OTOGL: variants seen among roughly 807,000 people sequenced by gnomAD.
OTOGL encodes otogelin-like protein.
Under a neutral mutation model 318.5 loss-of-function variants are expected in OTOGL, and 285 were observed. The ratio of observed to expected loss-of-function variants is 0.89; its 90% CI spans 0.81 to 0.99. The LOEUF (loss-of-function observed/expected upper bound fraction) is 0.99, where lower values mean the gene tolerates loss of function less well. Ranked by LOEUF, OTOGL falls within the 50% of genes least tolerant of loss-of-function variation. OTOGL has a pLI of 0.00. For synonymous variants in OTOGL, 987 were observed against 936.5 expected (o/e 1.05, Z -0.99); for missense variants, 2,899 against 2,845.6 (o/e 1.02, Z -0.43).
intron 34 of OTOGL, among the ~76,000 whole-genome samples, chr12:80,323,145 CACATAT>C (rs1435074194): frequency 4.9e-4 from 15 of 30,410 alleles, no homozygotes; most frequent in Non-Finnish European, 1.4e-3. Flanking sequence ...CACACACACA[CACATAT>C]ATAAAATATT....
rs865832786 is a variant in OTOGL at position 80,249,729 on chromosome 12, G to C, written c.1053-1964G>C. Among the ~76,000 whole-genome samples the C allele has an allele frequency of 6.4e-3, 971 of 152,260 alleles. 11 individuals carry two copies. Among genetic ancestry groups the C allele is most frequent in the African/African-American group, 0.021 (888 of 41,538 alleles). ...TTCCCGGCTGCTTTGTTTACCTAAG[G>C]AAGCCTGGGCGATGGCGGGCGCCCC... On this transcript the variant is annotated intron_variant, in intron 11 of 58. Transcript: ENST00000547103.
At chr12:80,153,752 T>C (rs1358337486) in intron 1 of OTOGL, among the ~76,000 whole-genome samples, 1 of 152,214 alleles carries the variant, frequency 6.6e-6, no homozygotes, top group Non-Finnish European at 1.5e-5. Context: ...ACAGATATTT[T>C]TTATTGTCTC....
At chr12:80,160,155 C>T (rs1003333654) in intron 1 of OTOGL, among the ~76,000 whole-genome samples, 8 of 152,040 alleles carry the variant, frequency 5.3e-5, no homozygotes, top group South Asian at 4.1e-4. Flanking sequence ...TAGAAGATAA[C>T]GTAGGAAAAA....
At chr12:80,306,766 CTA>C (rs1886133039) in intron 29 of OTOGL, among the ~76,000 whole-genome samples, 2 of 67,236 alleles carry the variant, frequency 3.0e-5, no homozygotes, top group East Asian at 4.2e-4. Flanking sequence ...TAAGAAGTAA[CTA>C]TTTCTTTTTT....
Position 80,344,999 on chromosome 12 carries a change from T to A in OTOGL, c.5265+2837T>A, listed in dbSNP as rs1232569121. ...ATTGGCTATATATTATATATTATAT[T>A]TTATATATTATTATATATTATATTT... On this transcript the variant is annotated intron_variant, in intron 44 of 58. Coordinates refer to ENST00000547103, the MANE Select transcript of OTOGL (RefSeq NM_001378609.3). Among the ~76,000 whole-genome samples, 5 of 141,796 alleles carry A rather than the reference T, an allele frequency of 3.5e-5. No homozygotes were observed. The East Asian group carries it at 9.9e-4, about 28-fold the overall frequency. 93.0% of individuals were successfully genotyped at this position (141,796 alleles called of 152,430 possible). A position where few individuals can be genotyped will look rare whatever the true frequency, so the allele number is the denominator to read the frequency against.
At chr12:80,185,888 C>T (rs1875253709) in intron 1 of OTOGL, among the ~76,000 whole-genome samples, 1 of 152,010 alleles carries the variant, frequency 6.6e-6, no homozygotes, top group Non-Finnish European at 1.5e-5. Flanking sequence ...TTTGAGGTGG[C>T]ACTACATAAG....
Position 80,261,954 on chromosome 12 carries a change from G to T in OTOGL, c.1890-15G>T, listed in dbSNP as rs752472690. 59 of 1,608,556 alleles carry T rather than the reference G, an allele frequency of 3.7e-5. No homozygotes were observed. Among genetic ancestry groups the T allele is most frequent in the Non-Finnish European group, 4.9e-5 (58 of 1,176,988 alleles). The stretch of plus-strand genomic sequence containing the variant: ...TGAGAGATACATGAAGATGAGCATT[G>T]TCTTTGCTTTCTAGTTCTCCATCAG... On this transcript the variant is annotated splice_polypyrimidine_tract_variant and intron_variant, in intron 18 of 58. Transcript: ENST00000547103.
intron 19 of OTOGL, among the ~76,000 whole-genome samples, chr12:80,262,933 T>C (rs1443151233): frequency 6.6e-6 from 1 of 152,160 alleles, no homozygotes; most frequent in African/African-American, 2.4e-5. Context: ...CTCATATTGG[T>C]TGAGCTTTCA....
chr12:80,136,834 T>C (rs1029667182), intron 1 of OTOGL, among the ~76,000 whole-genome samples: 1 of 152,196 alleles, frequency 6.6e-6, no homozygotes, highest in Non-Finnish European at 1.5e-5. Flanking sequence ...ATATATTATG[T>C]ACTTTGTTTA....
chr12:80,186,923 A>C (rs990072353), intron 1 of OTOGL, among the ~76,000 whole-genome samples: 4 of 152,186 alleles, frequency 2.6e-5, no homozygotes, highest in African/African-American at 9.6e-5. Context: ...TAGAATCCTC[A>C]TGGAAACAAA....
At chr12:80,232,178 T>G (rs1879427576) in intron 8 of OTOGL, among the ~76,000 whole-genome samples, 1 of 152,188 alleles carries the variant, frequency 6.6e-6, no homozygotes, top group Non-Finnish European at 1.5e-5. Context: ...TTAAATATTT[T>G]ATGTGACCCT....
intron 1 of OTOGL, among the ~76,000 whole-genome samples, chr12:80,130,752 A>G (rs1211774885): frequency 6.6e-6 from 1 of 152,180 alleles, no homozygotes; most frequent in Non-Finnish European, 1.5e-5. Flanking sequence ...TTCTTCTTTG[A>G]ATTCATTTAT....
intron 1 of OTOGL, among the ~76,000 whole-genome samples, chr12:80,108,791 A>ATATATATGTATATATATATGTG (rs1565863126): frequency 8.2e-6 from 1 of 122,520 alleles, no homozygotes; most frequent in South Asian, 2.6e-4. Context: ...ATATATGTAT[A>ATATATATGTATATATATATGTG]TATATATATG....
At chr12:80,244,238 T>C (rs1880659221) in intron 11 of OTOGL, among the ~76,000 whole-genome samples, 1 of 151,452 alleles carries the variant, frequency 6.6e-6, no homozygotes, top group East Asian at 1.9e-4. Context: ...GTTACATATG[T>C]ATACATGTGC....
intron 29 of OTOGL, among the ~76,000 whole-genome samples, chr12:80,309,609 G>A (rs577297201): frequency 6.6e-6 from 1 of 152,346 alleles, no homozygotes; most frequent in East Asian, 1.9e-4. Flanking sequence ...GAAATATTAA[G>A]TCAGTAGAGA....
In OTOGL at chr12:80,302,757, C is replaced by T. The variant is rs1885850523; in HGVS notation, c.3187C>T (p.His1063Tyr). 6.6e-7 allele frequency: 1 copy of T among 1,525,876 alleles called. No homozygotes were observed. The highest frequency in any genetic ancestry group is 8.8e-7 in the Non-Finnish European group (1 of 1,141,126). 94.5% of individuals were successfully genotyped at this position (1,525,876 alleles called of 1,614,324 possible). ...TILWDRKTTI[H>Y]IKVGPQWKNK... ...TCTTTGGGATAGGAAGACAACTATT[C>T]ATATCAAAGTTGGGCCACAGTGGAA... is the stretch of plus-strand genomic sequence containing the variant. Residue 1063 changes from histidine to tyrosine, a missense_variant, in exon 28 of 59, where the codon CAT becomes TAT. By Grantham distance (83) the His-to-Tyr change is moderately conservative. Around this residue, in one of 3 missense-constraint regions of OTOGL, gnomAD observed 2,607 missense variants for 2,524.9 expected, o/e 1.03. Coordinates refer to ENST00000547103, the MANE Select transcript of OTOGL (RefSeq NM_001378609.3).
At chr12:80,322,286 A>T (rs1241444395) in intron 34 of OTOGL, among the ~76,000 whole-genome samples, 1 of 152,194 alleles carries the variant, frequency 6.6e-6, no homozygotes, top group Non-Finnish European at 1.5e-5. Context: ...GTTGACCTTT[A>T]CAGGCCTCTA....
chr12:80,236,446 C>G (rs1370494026), intron 9 of OTOGL, among the ~76,000 whole-genome samples: 2 of 152,128 alleles, frequency 1.3e-5, no homozygotes, highest in East Asian at 3.9e-4. Flanking sequence ...ACTTTTAGGA[C>G]CCTTGATGCA....
At chr12:80,310,502 G>A in intron 29 of OTOGL, 109 bp from the exon 30 acceptor site, 1 of 672,108 alleles carries the variant, frequency 1.5e-6, no homozygotes, top group Non-Finnish European at 2.5e-6. Context: ...CTATCTAAAA[G>A]GATGAGAATA....
Sources: gnomAD v4.1 joint callset for allele counts (sites outside exome capture counted in the v4.1 genomes callset) on GRCh38, gnomAD v4.1.1 for gene constraint, gnomAD v4.1.1 regional missense constraint, MANE v1.5 for transcripts, NCBI Gene and HGNC (gene_info 2026-07-23, HGNC 2026-07-21) for gene names.